Variants in ADAMTSL3 observed in about 807,000 individuals in gnomAD.
The protein encoded by ADAMTSL3 is ADAMTS like 3, also known as ADAMTS-like protein 3.
Under a neutral mutation model 201.7 loss-of-function variants are expected in ADAMTSL3, and 128 were observed. The ratio of observed to expected loss-of-function variants is 0.63; its 90% CI spans 0.55 to 0.73. The LOEUF (loss-of-function observed/expected upper bound fraction) is 0.73, where lower values mean the gene tolerates loss of function less well. Ranked by LOEUF, ADAMTSL3 falls within the 30% of genes least tolerant of loss-of-function variation. The pLI, the probability that ADAMTSL3 is intolerant of heterozygous loss-of-function variation, is 0.00. For missense variants in ADAMTSL3, 1,990 were observed against 2,119.6 expected (o/e 0.94, Z 1.20); for synonymous variants, 738 against 748.4 (o/e 0.99, Z 0.23).
At chr15:83,741,693 G>A (rs1427948852) in intron 3 of ADAMTSL3, among the ~76,000 whole-genome samples, 1 of 152,140 alleles carries the variant, frequency 6.6e-6, no homozygotes, top group African/African-American at 2.4e-5. Flanking sequence ...TCAGCAAGGT[G>A]GATATAGATC....
chr15:84,015,771 C>G (rs1056026947), intron 24 of ADAMTSL3, among the ~76,000 whole-genome samples: 1 of 152,206 alleles, frequency 6.6e-6, no homozygotes, highest in Non-Finnish European at 1.5e-5. Flanking sequence ...TATCCATGCT[C>G]CCTGAGAAAC....
At chr15:83,717,230 G>T (rs561126151) in intron 3 of ADAMTSL3, among the ~76,000 whole-genome samples, 6 of 152,282 alleles carry the variant, frequency 3.9e-5, no homozygotes, top group African/African-American at 1.2e-4. Context: ...ATCATGCTGG[G>T]TGTATGATAC....
intron 15 of ADAMTSL3, among the ~76,000 whole-genome samples, chr15:83,901,704 T>TTAA (rs1378035781): frequency 6.6e-6 from 1 of 152,014 alleles, no homozygotes; most frequent in Non-Finnish European, 1.5e-5. Flanking sequence ...CACAAGTCAG[T>TTAA]TAATATCTGT....
At chr15:83,747,968 G>A (rs1402720027) in intron 3 of ADAMTSL3, among the ~76,000 whole-genome samples, 1 of 151,734 alleles carries the variant, frequency 6.6e-6, no homozygotes, top group South Asian at 2.1e-4. Flanking sequence ...TCTGCTTGGC[G>A]TCTCCTGGAG....
chr15:83,687,154 T>A (rs1163105695), intron 2 of ADAMTSL3, among the ~76,000 whole-genome samples: 2 of 152,174 alleles, frequency 1.3e-5, no homozygotes, highest in Non-Finnish European at 2.9e-5. Context: ...CAGTGAGCTA[T>A]GATTGTACCA....
chr15:84,021,708 T>C (rs1335065518), intron 26 of ADAMTSL3, 115 bp downstream of exon 26: 2 of 1,100,146 alleles, frequency 1.8e-6, no homozygotes, highest in African/African-American at 3.2e-5. Flanking sequence ...ACTTACTGTA[T>C]ACTAGGCATC....
In ADAMTSL3 at chr15:83,731,438, C is replaced by CTCTT. The variant is rs966738128; in HGVS notation, c.189+26931_189+26934dup. Among the ~76,000 whole-genome samples, 55 of 152,120 alleles carry CTCTT rather than the reference C, an allele frequency of 3.6e-4. No homozygotes were observed. The Middle Eastern group carries it at 0.01, about 28-fold the overall frequency. On this transcript the variant is annotated intron_variant, in intron 3 of 29. Transcript: ENST00000286744. The stretch of plus-strand genomic sequence containing the variant: ...TTGGTGAGAGTGTGAAGAAAAGGAA[C>CTCTT]TCTTATATGCTGTTGGTGGGAATGT...
intron 15 of ADAMTSL3, among the ~76,000 whole-genome samples, chr15:83,903,938 AAAAAAAG>A (rs2065781637): frequency 2.6e-5 from 1 of 39,132 alleles, no homozygotes; most frequent in African/African-American, 1.9e-4. Context: ...AAAAAAAAAA[AAAAAAAG>A]AAAAAAGAAA....
At chr15:83,670,413 T>C (rs192493919) in intron 2 of ADAMTSL3, among the ~76,000 whole-genome samples, 1 of 152,200 alleles carries the variant, frequency 6.6e-6, no homozygotes. Context: ...AAATAATTCC[T>C]CTTAATCCCC....
chr15:83,914,651 C>A (rs2065996309), intron 16 of ADAMTSL3, among the ~76,000 whole-genome samples: 1 of 152,126 alleles, frequency 6.6e-6, no homozygotes, highest in Non-Finnish European at 1.5e-5. Context: ...AAAGTCCATG[C>A]CATCTAGCTA....
chr15:83,939,614 T>C lies in ADAMTSL3; in HGVS notation c.2118-2982T>C, dbSNP rs1012267758. On this transcript the variant is annotated intron_variant, in intron 17 of 29. Coordinates refer to ENST00000286744, the MANE Select transcript of ADAMTSL3 (RefSeq NM_207517.3). ...TAATTTATTAATCTTGTTGGTCTTT[T>C]GAAGGACCAACTTTTTTTTTTTTTT... Among the ~76,000 whole-genome samples, 8 of 152,158 alleles carry C rather than the reference T, an allele frequency of 5.3e-5. No homozygotes were observed. In the East Asian group the frequency reaches 1.2e-3, roughly 22 times the overall value.
At chr15:83,684,580 A>G (rs1384130385) in intron 2 of ADAMTSL3, among the ~76,000 whole-genome samples, 1 of 151,808 alleles carries the variant, frequency 6.6e-6, no homozygotes, top group African/African-American at 2.4e-5. Flanking sequence ...ATCTCTAGGG[A>G]AAAAAAACAA....
chr15:83,854,082 C>T (rs2064680609), intron 7 of ADAMTSL3, among the ~76,000 whole-genome samples: 1 of 152,114 alleles, frequency 6.6e-6, no homozygotes, highest in African/African-American at 2.4e-5. Flanking sequence ...AACATCATCT[C>T]ACTAGTACAC....
chr15:83,871,957 G>A (rs559643480), intron 9 of ADAMTSL3, among the ~76,000 whole-genome samples: 5 of 152,088 alleles, frequency 3.3e-5, no homozygotes, highest in African/African-American at 4.8e-5. Flanking sequence ...AATTTGTCAC[G>A]GAATGTTTCA....
At chr15:83,944,152 G>T (rs1311434686) in intron 19 of ADAMTSL3, among the ~76,000 whole-genome samples, 1 of 152,100 alleles carries the variant, frequency 6.6e-6, no homozygotes, top group African/African-American at 2.4e-5. Flanking sequence ...AATATTTTTG[G>T]ACCACAGTTA....
chr15:83,981,299 C>G (rs897966780), intron 20 of ADAMTSL3, among the ~76,000 whole-genome samples: 1 of 152,174 alleles, frequency 6.6e-6, no homozygotes, highest in African/African-American at 2.4e-5. Flanking sequence ...TGGGCCTAGC[C>G]CATTAAGAGG....
At chr15:83,990,609 C>G (rs2067565228) in intron 22 of ADAMTSL3, among the ~76,000 whole-genome samples, 1 of 152,148 alleles carries the variant, frequency 6.6e-6, no homozygotes, top group Admixed American at 6.5e-5. Flanking sequence ...ACCCCCTCCC[C>G]CAGTATCTCA....
At chr15:83,749,110 A>T (rs2062598165) in intron 3 of ADAMTSL3, among the ~76,000 whole-genome samples, 1 of 152,166 alleles carries the variant, frequency 6.6e-6, no homozygotes, top group Non-Finnish European at 1.5e-5. Context: ...GAGTTGTCCT[A>T]AGTTGGACTG....
intron 2 of ADAMTSL3, among the ~76,000 whole-genome samples, chr15:83,697,167 T>A (rs968165128): frequency 2.0e-5 from 3 of 152,174 alleles, no homozygotes; most frequent in African/African-American, 7.2e-5. Flanking sequence ...TGGATTCTGC[T>A]CTTGAATCTA....
Sources: gnomAD v4.1 joint callset for allele counts (sites outside exome capture counted in the v4.1 genomes callset) on GRCh38, gnomAD v4.1.1 for gene constraint, MANE v1.5 for transcripts, NCBI Gene and HGNC (gene_info 2026-07-23, HGNC 2026-07-21) for gene names.